SMIM13: variants seen among roughly 807,000 people sequenced by gnomAD.
SMIM13 encodes small integral membrane protein 13, also known as UPF0766 protein C6orf228.
In SMIM13, 3 loss-of-function variants were observed where a neutral mutation model predicts 5.9. The ratio of observed to expected loss-of-function variants is 0.51; its 90% CI spans 0.23 to 1.31. The LOEUF (loss-of-function observed/expected upper bound fraction) is 1.31. Among genes scored for constraint, SMIM13 ranks in the 40% most tolerant of loss-of-function variants. The probability of loss-of-function intolerance (pLI) is 0.18; values close to 1 mark genes in which losing one functional copy is unlikely to be tolerated. For synonymous variants in SMIM13, 55 were observed against 46.0 expected (o/e 1.19, Z -0.79); for missense variants, 85 against 109.9 (o/e 0.77, Z 1.01).
chr6:11,113,039 C>T (rs890039841), intron 1 of SMIM13, among the ~76,000 whole-genome samples: 2 of 152,038 alleles, frequency 1.3e-5, no homozygotes, highest in African/African-American at 4.8e-5. Context: ...CCATGTTGGC[C>T]AGGCTGGTTT....
At chr6:11,120,693 A>G (rs1409470361) in intron 1 of SMIM13, among the ~76,000 whole-genome samples, 2 of 152,228 alleles carry the variant, frequency 1.3e-5, no homozygotes, top group Non-Finnish European at 2.9e-5. Context: ...AATCTGAGAA[A>G]TTTGATACGC....
chr6:11,097,682 A>G (rs1270171523), intron 1 of SMIM13, among the ~76,000 whole-genome samples: 2 of 152,006 alleles, frequency 1.3e-5, no homozygotes, highest in Non-Finnish European at 2.9e-5. Flanking sequence ...AAAAAAAAAA[A>G]AACCTTATCT....
At chr6:11,096,454 G>A (rs1245984377) in intron 1 of SMIM13, among the ~76,000 whole-genome samples, 1 of 152,204 alleles carries the variant, frequency 6.6e-6, no homozygotes, top group Admixed American at 6.5e-5. Flanking sequence ...GAATAGTCAA[G>A]AACTAAAAGC....
Position 11,094,169 on chromosome 6 carries a change from G to A in SMIM13, c.-145G>A. 1 of 174,972 alleles carries A rather than the reference G, an allele frequency of 5.7e-6. No individual in the cohort carries two copies. The highest frequency in any genetic ancestry group is 1.1e-5 in the Non-Finnish European group (1 of 89,264). 10.8% of individuals were successfully genotyped at this position (174,972 alleles called of 1,614,324 possible). A position where few individuals can be genotyped will look rare whatever the true frequency, so the allele number is the denominator to read the frequency against. ...TTGCGCCGCCCCACCCCCTGGGGGC[G>A]CTGCCGAGGGGGCGCCAGCCGCCCA... On this transcript the variant is annotated 5_prime_UTR_variant, in exon 1 of 2. Transcript: ENST00000416247.
intron 1 of SMIM13, chr6:11,104,522 G>A: frequency 6.4e-7 from 1 of 1,569,332 alleles, no homozygotes; most frequent in Non-Finnish European, 8.6e-7. Context: ...GGTAGCTGGT[G>A]GCTATAGTCA....
intron 1 of SMIM13, among the ~76,000 whole-genome samples, chr6:11,132,689 T>G (rs910359850): frequency 1.3e-5 from 2 of 152,276 alleles, no homozygotes. Context: ...ACGTATTGTA[T>G]GATTCCATTA....
rs1451118481 is a variant in SMIM13 at position 11,135,629 on chromosome 6, A to C, written c.*1027A>C. ...ACCGGGAGAGACGTTCTGTGGAAAA[A>C]TGCAGACATCAATGACTGTGGTTTG... On this transcript the variant is annotated 3_prime_UTR_variant, in exon 2 of 2. Coordinates refer to ENST00000416247, the MANE Select transcript of SMIM13 (RefSeq NM_001135575.2). 6.6e-6 allele frequency: 1 copy of C among 152,660 alleles called. No individual in the cohort carries two copies. The highest frequency in any genetic ancestry group is 2.4e-5 in the African/African-American group (1 of 41,454). The allele number at this position is 152,660 out of a possible 1,614,324, so 9.5% of individuals were successfully genotyped here.
intron 1 of SMIM13, among the ~76,000 whole-genome samples, chr6:11,111,438 T>C (rs1404014484): frequency 6.6e-6 from 1 of 152,072 alleles, no homozygotes; most frequent in East Asian, 1.9e-4. Context: ...CAGCCTCCTG[T>C]CTGGGGGGGC....
chr6:11,103,583 G>A, intron 1 of SMIM13: 1 of 1,433,914 alleles, frequency 7.0e-7, no homozygotes, highest in Non-Finnish European at 9.2e-7. Flanking sequence ...TAGCTGTCAG[G>A]GCAGGATGGC....
chr6:11,114,592 C>CTTTTTTTT lies in SMIM13; in HGVS notation c.77-19794_77-19787dup, dbSNP rs58585640. Reference sequence around the variant, plus strand: ...ATTGAGATGGTCATGCACTTTTTCTCTTTTTTTTTTTTTTTTTTTTTTTTG... The same window carrying CTTTTTTTT: ...ATTGAGATGGTCATGCACTTTTTCTCTTTTTTTTTTTTTTTTTTTTTTTTTTTTTTTTG... On this transcript the variant is annotated intron_variant, in intron 1 of 1. Transcript: ENST00000416247. Among the ~76,000 whole-genome samples, 184 of 21,848 alleles carry CTTTTTTTT rather than the reference C, an allele frequency of 8.4e-3. 9 individuals carry two copies. Among genetic ancestry groups the CTTTTTTTT allele is most frequent in the Non-Finnish European group, 9.7e-3 (132 of 13,558 alleles). 14.3% of individuals were successfully genotyped at this position (21,848 alleles called of 152,430 possible).
At chr6:11,128,795 C>T (rs1438684439) in intron 1 of SMIM13, among the ~76,000 whole-genome samples, 1 of 152,032 alleles carries the variant, frequency 6.6e-6, no homozygotes, top group Non-Finnish European at 1.5e-5. Flanking sequence ...CTTGCTTTCT[C>T]CTATGACAGG....
intron 1 of SMIM13, among the ~76,000 whole-genome samples, chr6:11,110,546 A>G (rs1024156130): frequency 2.0e-5 from 3 of 152,182 alleles, no homozygotes; most frequent in African/African-American, 4.8e-5. Flanking sequence ...GTCCTGATAC[A>G]TATTGAGAAG....
intron 1 of SMIM13, among the ~76,000 whole-genome samples, chr6:11,126,978 C>T (rs546556593): frequency 2.6e-5 from 4 of 152,292 alleles, no homozygotes; most frequent in African/African-American, 9.6e-5. Flanking sequence ...CCCTTACTTT[C>T]CCCCAAACAA....
At chr6:11,095,362 T>A (rs1296294969) in intron 1 of SMIM13, among the ~76,000 whole-genome samples, 1 of 152,234 alleles carries the variant, frequency 6.6e-6, no homozygotes, top group Admixed American at 6.5e-5. Context: ...TTTTTTGAGA[T>A]GGAGTCTCGC....
intron 1 of SMIM13, among the ~76,000 whole-genome samples, chr6:11,113,850 T>C (rs1297359051): frequency 1.3e-5 from 2 of 152,162 alleles, no homozygotes; most frequent in African/African-American, 2.4e-5. Flanking sequence ...GTGCTGGGAT[T>C]ACAGGCATGA....
In SMIM13 at chr6:11,137,700, T is replaced by G. The variant is rs2113674792; in HGVS notation, c.*3098T>G. The stretch of plus-strand genomic sequence containing the variant: ...TTTGAAACTTTTTGTGAAAATTGCC[T>G]GTACCAATTGCATTGGTTGCGTTGC... On this transcript the variant is annotated 3_prime_UTR_variant, in exon 2 of 2. Transcript: ENST00000416247. The G allele has an allele frequency of 6.6e-6, 1 of 152,316 alleles. No individual in the cohort carries two copies. The highest frequency in any genetic ancestry group is 1.9e-4 in the East Asian group (1 of 5,188). The allele number at this position is 152,316 out of a possible 1,614,324, so 9.4% of individuals were successfully genotyped here.
intron 1 of SMIM13, among the ~76,000 whole-genome samples, chr6:11,117,339 A>G (rs9986600): frequency 1.5e-5 from 2 of 133,048 alleles, no homozygotes; most frequent in African/African-American, 2.8e-5. Context: ...AATTTTTTGT[A>G]TTTTTTTTTT....
chr6:11,104,353 C>G (rs759128790), intron 1 of SMIM13: 64 of 1,551,564 alleles, frequency 4.1e-5, no homozygotes, highest in Admixed American at 7.8e-5. Context: ...GTTACATAGC[C>G]TATGGTACAA....
chr6:11,133,829 T>A (rs1758482956), intron 1 of SMIM13, among the ~76,000 whole-genome samples: 1 of 151,956 alleles, frequency 6.6e-6, no homozygotes, highest in Non-Finnish European at 1.5e-5. Context: ...GTTTTAAACA[T>A]CTTGAATCTA....
Sources: allele counts gnomAD v4.1 joint callset (sites outside exome capture counted in the v4.1 genomes callset), GRCh38; gene constraint gnomAD v4.1.1; transcripts MANE v1.5; gene names NCBI Gene and HGNC (gene_info 2026-07-23, HGNC 2026-07-21).